Variants in GALNTL6 observed in about 807,000 individuals in gnomAD.
GALNTL6 encodes the protein polypeptide N-acetylgalactosaminyltransferase like 6.
A neutral mutation model predicts 73.7 loss-of-function variants in GALNTL6; 46 were observed. That is an observed-to-expected ratio of 0.62 (90% CI 0.49 to 0.80). The LOEUF is 0.80. Among genes scored for constraint, GALNTL6 ranks in the 30% least tolerant of loss-of-function variants. The pLI, the probability that GALNTL6 is intolerant of heterozygous loss-of-function variation, is 0.00. For missense variants in GALNTL6, 604 were observed against 755.0 expected, an observed-to-expected ratio of 0.80 and a Z score of 2.34; for synonymous variants, 259 against 263.7, an observed-to-expected ratio of 0.98 and a Z score of 0.17.
chr4:172,478,900 CAT>C (rs149448612), intron 5 of GALNTL6, among the ~76,000 whole-genome samples: 2,449 of 152,242 alleles, frequency 0.016, 74 homozygotes, highest in African/African-American at 0.054. Context: ...GGCCAACAAA[CAT>C]GTGAAAAAAT....
intron 5 of GALNTL6, among the ~76,000 whole-genome samples, chr4:172,370,937 A>C (rs548963761): frequency 5.3e-5 from 8 of 152,276 alleles, no homozygotes; most frequent in Non-Finnish European, 1.2e-4. Context: ...TGCATGTTAC[A>C]CCGTTAACTT....
intron 4 of GALNTL6, among the ~76,000 whole-genome samples, chr4:172,335,837 T>C (rs1241167712): frequency 1.3e-5 from 2 of 152,224 alleles, no homozygotes; most frequent in African/African-American, 4.8e-5. Flanking sequence ...CTCTGTTTTT[T>C]CTTTATTAAT....
intron 5 of GALNTL6, among the ~76,000 whole-genome samples, chr4:172,533,517 G>T (rs533564956): frequency 5.9e-5 from 9 of 151,766 alleles, no homozygotes; most frequent in African/African-American, 2.2e-4. Context: ...TAGAGACAGG[G>T]TTTCACCATA....
chr4:172,676,885 T>G (rs1282590883), intron 5 of GALNTL6, among the ~76,000 whole-genome samples: 1 of 152,240 alleles, frequency 6.6e-6, no homozygotes, highest in African/African-American at 2.4e-5. Context: ...CAGGGCTCTC[T>G]AACATTTCTG....
rs369354633 is a variant in GALNTL6 at position 172,089,183 on chromosome 4, A to G, written c.139-140473A>G. Reference sequence around the variant, plus strand: ...GATGGGTTCTCAAAGCTAGGTCTCTATATATGATGCAGGCAAACAAATCTT... The same window carrying G: ...GATGGGTTCTCAAAGCTAGGTCTCTGTATATGATGCAGGCAAACAAATCTT... On this transcript the variant is annotated intron_variant, in intron 2 of 12. Transcript: ENST00000506823. 1.2e-4 allele frequency among the ~76,000 whole-genome samples: 18 copies of G among 152,298 alleles called. No homozygotes were observed. In the East Asian group the frequency reaches 3.3e-3, roughly 28 times the overall value.
intron 9 of GALNTL6, among the ~76,000 whole-genome samples, chr4:172,938,038 T>A (rs1313800112): frequency 6.6e-6 from 1 of 152,248 alleles, no homozygotes; most frequent in African/African-American, 2.4e-5. Context: ...ACCTAGGGTT[T>A]CTTAGCAAAG....
chr4:172,493,105 AT>A (rs1733952578), intron 5 of GALNTL6, among the ~76,000 whole-genome samples: 1 of 152,188 alleles, frequency 6.6e-6, no homozygotes, highest in Non-Finnish European at 1.5e-5. Context: ...CAAATACACT[AT>A]TTTTTAAATA....
At chr4:172,323,823 G>T (rs1740841634) in intron 4 of GALNTL6, among the ~76,000 whole-genome samples, 1 of 152,002 alleles carries the variant, frequency 6.6e-6, no homozygotes, top group Non-Finnish European at 1.5e-5. Flanking sequence ...AGTCTAAGTT[G>T]CTGGCACTGT....
chr4:172,430,798 A>G (rs529718465), intron 5 of GALNTL6, among the ~76,000 whole-genome samples: 2 of 152,146 alleles, frequency 1.3e-5, no homozygotes, highest in African/African-American at 4.8e-5. Flanking sequence ...GTGAAACCCT[A>G]TCTCTAAACC....
chr4:172,754,839 C>A (rs1174533594), intron 5 of GALNTL6, among the ~76,000 whole-genome samples: 45 of 116,342 alleles, frequency 3.9e-4, no homozygotes, highest in African/African-American at 1.1e-3. Context: ...AACCTCACTT[C>A]CACCAAAAAA....
At chr4:172,694,082 G>C (rs922284810) in intron 5 of GALNTL6, among the ~76,000 whole-genome samples, 21 of 151,548 alleles carry the variant, frequency 1.4e-4, no homozygotes, top group Admixed American at 1.4e-3. Flanking sequence ...TGGTTTATTT[G>C]AGCAGTCAGA....
intron 8 of GALNTL6, among the ~76,000 whole-genome samples, chr4:172,915,635 C>T (rs1298576683): frequency 6.6e-6 from 1 of 152,164 alleles, no homozygotes; most frequent in African/African-American, 2.4e-5. Flanking sequence ...CGCAAATAAA[C>T]TAGAATATCT....
chr4:171,944,118 C>A (rs974355439), intron 2 of GALNTL6, among the ~76,000 whole-genome samples: 8 of 151,812 alleles, frequency 5.3e-5, no homozygotes, highest in Admixed American at 3.9e-4. Flanking sequence ...ATAAGTATAT[C>A]TTTTCATTAT....
At chr4:172,379,628 A>G (rs1216600152) in intron 5 of GALNTL6, among the ~76,000 whole-genome samples, 2 of 151,076 alleles carry the variant, frequency 1.3e-5, no homozygotes, top group Non-Finnish European at 3.0e-5. Flanking sequence ...CTCATAAATT[A>G]AAATAAAACT....
chr4:171,936,427 C>T (rs1738347063), intron 2 of GALNTL6, among the ~76,000 whole-genome samples: 1 of 151,936 alleles, frequency 6.6e-6, no homozygotes, highest in African/African-American at 2.4e-5. Context: ...ATGCATACTT[C>T]GTATGAATTT....
intron 2 of GALNTL6, among the ~76,000 whole-genome samples, chr4:172,100,000 G>A (rs59382031): frequency 0.027 from 4,136 of 152,092 alleles, 201 homozygotes; most frequent in African/African-American, 0.093. Context: ...TCTTGACTCA[G>A]TAACATTACA....
At chr4:172,271,291 G>A (rs1448779559) in intron 3 of GALNTL6, among the ~76,000 whole-genome samples, 1 of 152,090 alleles carries the variant, frequency 6.6e-6, no homozygotes, top group East Asian at 1.9e-4. Flanking sequence ...TGTATTAACT[G>A]CTATAGAAGA....
intron 5 of GALNTL6, among the ~76,000 whole-genome samples, chr4:172,486,292 C>T (rs1365575191): frequency 1.3e-5 from 2 of 152,050 alleles, no homozygotes; most frequent in Non-Finnish European, 2.9e-5. Context: ...TAGAAAGTGT[C>T]GACCCTAAGA....
At chr4:172,895,405 T>A (rs984875833) in intron 8 of GALNTL6, among the ~76,000 whole-genome samples, 3 of 149,408 alleles carry the variant, frequency 2.0e-5, no homozygotes, top group African/African-American at 2.4e-5. Context: ...TATATATATT[T>A]TTTTTTTGCT....
Sources: allele counts gnomAD v4.1 joint callset (sites outside exome capture counted in the v4.1 genomes callset), GRCh38; gene constraint gnomAD v4.1.1; transcripts MANE v1.5; gene names NCBI Gene and HGNC (gene_info 2026-07-23, HGNC 2026-07-21).